LINGO2: variants seen among roughly 807,000 people sequenced by gnomAD.
LINGO2 encodes leucine-rich repeat and immunoglobulin-like domain-containing nogo receptor-interacting protein 2.
In LINGO2, 14 loss-of-function variants were observed where a neutral mutation model predicts 30.6. The observed-to-expected ratio is 0.46, with a 90% CI of 0.30 to 0.72. The LOEUF is 0.72. LINGO2 is among the 30% of genes least tolerant of loss of function. The pLI is 0.07. For synonymous variants in LINGO2, 317 were observed against 288.5 expected (o/e 1.10, Z -1.00); for missense variants, 729 against 751.7 (o/e 0.97, Z 0.35).
At position 28,016,830 on chromosome 9, in the gene LINGO2, G is replaced by A. The variant is rs928896787; in HGVS notation, c.-86-4425C>T. Among the ~76,000 whole-genome samples the A allele has an allele frequency of 3.0e-4, 45 of 151,734 alleles. 1 individual carries two copies. The highest frequency in any genetic ancestry group is 1.8e-3 in the Admixed American group (27 of 15,230). On this transcript the variant is annotated intron_variant, in intron 4 of 5. Coordinates refer to ENST00000379992, the Ensembl canonical transcript of LINGO2. ...AATTGAGGAGGAAGGACTTCTCCTCGACTCATTCTATCAAATCAGGAACCT... is the reference window on the plus strand; with the variant it reads ...AATTGAGGAGGAAGGACTTCTCCTCAACTCATTCTATCAAATCAGGAACCT...
intron 2 of LINGO2, among the ~76,000 whole-genome samples, chr9:28,386,920 A>G (rs1440463738): frequency 1.3e-5 from 2 of 152,206 alleles, no homozygotes; most frequent in Admixed American, 1.3e-4. Context: ...TAAGTATTGA[A>G]GATATAGTAA....
chr9:28,760,442 T>A, the LINGO2 span, among the ~76,000 whole-genome samples: 1 of 152,010 alleles, frequency 6.6e-6, no homozygotes, highest in Non-Finnish European at 1.5e-5. Flanking sequence ...TTCAAGAAAT[T>A]CAACATCAAA....
chr9:28,864,888 T>C, the LINGO2 span, among the ~76,000 whole-genome samples: 1 of 152,194 alleles, frequency 6.6e-6, no homozygotes, highest in African/African-American at 2.4e-5. Flanking sequence ...ATATAAAAAC[T>C]CCAGGTTTCA....
At chr9:28,101,912 T>C (rs771363855) in intron 4 of LINGO2, among the ~76,000 whole-genome samples, 10 of 152,142 alleles carry the variant, frequency 6.6e-5, no homozygotes, top group Non-Finnish European at 1.3e-4. Context: ...CCTGGGATAA[T>C]TTATTTTGAC....
chr9:28,045,986 T>G (rs1427008930), intron 4 of LINGO2, among the ~76,000 whole-genome samples: 1 of 152,158 alleles, frequency 6.6e-6, no homozygotes, highest in Non-Finnish European at 1.5e-5. Context: ...TGTGTCCCTT[T>G]GGCAAAAAGT....
the LINGO2 span, among the ~76,000 whole-genome samples, chr9:29,134,462 A>G: frequency 3.3e-5 from 5 of 151,964 alleles, no homozygotes; most frequent in Admixed American, 1.3e-4. Context: ...GATTTTTTTT[A>G]TATTTTGTTG....
the LINGO2 span, among the ~76,000 whole-genome samples, chr9:29,202,228 G>A: frequency 6.6e-6 from 1 of 151,834 alleles, no homozygotes; most frequent in Non-Finnish European, 1.5e-5. Flanking sequence ...GCTTGTAAAA[G>A]TAGAGAGATT....
At chr9:28,457,004 A>C (rs2135100956) in intron 2 of LINGO2, among the ~76,000 whole-genome samples, 1 of 152,264 alleles carries the variant, frequency 6.6e-6, no homozygotes, top group Non-Finnish European at 1.5e-5. Flanking sequence ...TCTACAACCC[A>C]TGGAGAGAGA....
chr9:28,074,124 A>G (rs1587812336), intron 4 of LINGO2, among the ~76,000 whole-genome samples: 1 of 152,142 alleles, frequency 6.6e-6, no homozygotes, highest in Non-Finnish European at 1.5e-5. Flanking sequence ...AATAATATTA[A>G]TAATTGTTTT....
intron 4 of LINGO2, among the ~76,000 whole-genome samples, chr9:28,030,476 T>TA (rs1431208446): frequency 1.3e-5 from 2 of 152,292 alleles, no homozygotes; most frequent in East Asian, 1.9e-4. Flanking sequence ...GATGAAATTT[T>TA]AAAAGGTCCA....
chr9:28,195,580 C>T (rs768317187), intron 4 of LINGO2, among the ~76,000 whole-genome samples: 1 of 149,816 alleles, frequency 6.7e-6, no homozygotes, highest in Non-Finnish European at 1.5e-5. Flanking sequence ...TTTTCACAAC[C>T]CTATATAAAC....
intron 2 of LINGO2, among the ~76,000 whole-genome samples, chr9:28,442,176 T>C (rs1358873508): frequency 2.0e-5 from 3 of 152,116 alleles, no homozygotes; most frequent in Non-Finnish European, 4.4e-5. Context: ...ATTTGTCAGC[T>C]GGTCAGCTTA....
At chr9:28,613,295 A>G (rs1027762012) in intron 1 of LINGO2, among the ~76,000 whole-genome samples, 2 of 152,100 alleles carry the variant, frequency 1.3e-5, no homozygotes, top group Non-Finnish European at 2.9e-5. Flanking sequence ...TTGATGTATT[A>G]GTATACATAA....
At chr9:28,055,585 C>G (rs536696937) in intron 4 of LINGO2, among the ~76,000 whole-genome samples, 19 of 152,242 alleles carry the variant, frequency 1.2e-4, no homozygotes, top group African/African-American at 4.6e-4. Flanking sequence ...AGGCTTCAGT[C>G]TAATTTCTCA....
chr9:28,330,152 A>T (rs917944512), intron 3 of LINGO2, among the ~76,000 whole-genome samples: 2 of 152,166 alleles, frequency 1.3e-5, no homozygotes, highest in African/African-American at 4.8e-5. Context: ...CCACACAGAG[A>T]TAAGGCAATG....
chr9:28,642,767 A>T (rs550483643), intron 1 of LINGO2, among the ~76,000 whole-genome samples: 24 of 152,268 alleles, frequency 1.6e-4, no homozygotes, highest in African/African-American at 5.3e-4. Flanking sequence ...AATCTGGCAT[A>T]TATGACCTAT....
rs1335317055 is a variant in LINGO2 at position 28,299,955 on chromosome 9, G to A, written c.-245-4589C>T. On this transcript the variant is annotated intron_variant, in intron 3 of 5. Coordinates refer to ENST00000379992, the Ensembl canonical transcript of LINGO2. ...AGCATGGTGTCCAAACAACTTTATA[G>A]ATTTCCAATTCACTTGATTTTTTTT... 2.0e-5 allele frequency among the ~76,000 whole-genome samples: 3 copies of A among 152,012 alleles called. 1 individual carries two copies. The East Asian group carries it at 5.8e-4, about 29-fold the overall frequency.
the LINGO2 span, among the ~76,000 whole-genome samples, chr9:28,763,388 G>T: frequency 6.6e-6 from 1 of 151,930 alleles, no homozygotes; most frequent in South Asian, 2.1e-4. Context: ...GTGAGAAAAT[G>T]GAAAACATTT....
chr9:28,914,335 T>G, the LINGO2 span, among the ~76,000 whole-genome samples: 1 of 152,152 alleles, frequency 6.6e-6, no homozygotes, highest in Non-Finnish European at 1.5e-5. Flanking sequence ...ATACTATGAA[T>G]TTAAAGTAAG....
Sources: gnomAD v4.1 joint callset for allele counts (sites outside exome capture counted in the v4.1 genomes callset) on GRCh38, gnomAD v4.1.1 for gene constraint, MANE v1.5 for transcripts, NCBI Gene and HGNC (gene_info 2026-07-23, HGNC 2026-07-21) for gene names.